The following CFAP20DC variants were observed in gnomAD, a reference collection of about 807,000 sequenced individuals.
The protein encoded by CFAP20DC is protein CFAP20DC.
CFAP20DC carries 84 observed loss-of-function variants against 101.7 expected under a neutral mutation model. The observed-to-expected ratio is 0.83, with a 90% CI of 0.69 to 0.99. CFAP20DC has a LOEUF of 0.99. Ranked by LOEUF, CFAP20DC falls within the 50% of genes least tolerant of loss-of-function variation. CFAP20DC has a pLI of 0.00. For synonymous variants in CFAP20DC, 359 were observed against 351.2 expected, an observed-to-expected ratio of 1.02 and a Z score of -0.25; for missense variants, 1,007 against 970.3, an observed-to-expected ratio of 1.04 and a Z score of -0.50.
chr3:58,933,269 A>G (rs1198119083), intron 5 of CFAP20DC, among the ~76,000 whole-genome samples: 2 of 151,892 alleles, frequency 1.3e-5, no homozygotes, highest in Non-Finnish European at 2.9e-5. Context: ...CAGATTCATA[A>G]AGCAAGTCCT....
At chr3:58,951,873 G>A (rs11916212) in intron 4 of CFAP20DC, among the ~76,000 whole-genome samples, 25,043 of 152,006 alleles carry the variant, frequency 0.16, 2,637 homozygotes, top group Middle Eastern at 0.26. Context: ...AAACCTGCAC[G>A]TTGTGCACAT....
At position 58,717,603 on chromosome 3, in the gene CFAP20DC, G is replaced by A; in HGVS notation, c.225C>T (p.Ala75=). The A allele has an allele frequency of 2.2e-6, 1 of 453,594 alleles. No homozygotes were observed. Among genetic ancestry groups the A allele is most frequent in the Non-Finnish European group, 4.4e-6 (1 of 226,224 alleles). 28.1% of individuals were successfully genotyped at this position (453,594 alleles called of 1,614,324 possible). ...AGTTTTGCCTTCACAGTTGCAAAATGGCTGTAGCACTTCCAGACATTTCTT... is the reference window on the plus strand; with the variant it reads ...AGTTTTGCCTTCACAGTTGCAAAATAGCTGTAGCACTTCCAGACATTTCTT... The change falls in exon 4 of 4, where the codon GCC becomes GCT. Residue 75 remains alanine (A), a synonymous_variant. Transcript: ENST00000486145. This position sits in a 1 kb window ranked among gnomAD's most constrained non-coding sequence, Gnocchi z 4.1.
At chr3:58,842,215 G>C (rs979126455) in intron 13 of CFAP20DC, among the ~76,000 whole-genome samples, 2 of 152,076 alleles carry the variant, frequency 1.3e-5, no homozygotes, top group African/African-American at 2.4e-5. Flanking sequence ...CGTGAGCGAC[G>C]CAGAAGACGG....
intron 5 of CFAP20DC, among the ~76,000 whole-genome samples, chr3:58,931,675 G>C (rs113934827): frequency 6.9e-6 from 1 of 144,108 alleles, no homozygotes; most frequent in African/African-American, 2.5e-5. Context: ...GTCTGGAGTG[G>C]ACCTCTAGCA....
intron 4 of CFAP20DC, among the ~76,000 whole-genome samples, chr3:58,982,319 T>G (rs1405305407): frequency 6.6e-6 from 1 of 152,194 alleles, no homozygotes; most frequent in African/African-American, 2.4e-5. Context: ...CTCAGGGATC[T>G]AGAACTAGAA....
At chr3:58,804,416 G>T (rs2073916662) in intron 15 of CFAP20DC, among the ~76,000 whole-genome samples, 1 of 150,374 alleles carries the variant, frequency 6.7e-6, no homozygotes, top group East Asian at 1.9e-4. Flanking sequence ...AGGCTGGAGT[G>T]CAGTTGTGTG....
At chr3:58,829,901 A>G (rs557295698) in intron 14 of CFAP20DC, among the ~76,000 whole-genome samples, 2 of 152,298 alleles carry the variant, frequency 1.3e-5, no homozygotes, top group Non-Finnish European at 2.9e-5. Context: ...TCAGGAGGCC[A>G]CTGTTCTCTT....
At chr3:58,896,406 T>TAACC (rs1176247278) in intron 6 of CFAP20DC, among the ~76,000 whole-genome samples, 1 of 152,212 alleles carries the variant, frequency 6.6e-6, no homozygotes, top group Non-Finnish European at 1.5e-5. Context: ...TGATCTTGGT[T>TAACC]ATTTCTTGTC....
At chr3:58,930,683 T>C (rs1416478440) in intron 5 of CFAP20DC, among the ~76,000 whole-genome samples, 2 of 152,228 alleles carry the variant, frequency 1.3e-5, no homozygotes, top group African/African-American at 4.8e-5. Context: ...TGTTTTGTTT[T>C]CAGTATGTTT....
At chr3:58,760,388 T>C (rs1432253393) in intron 15 of CFAP20DC, among the ~76,000 whole-genome samples, 2 of 152,224 alleles carry the variant, frequency 1.3e-5, no homozygotes, top group African/African-American at 4.8e-5. Context: ...CGATTTTGTA[T>C]CCTGAGACTT....
chr3:58,954,876 T>G (rs928886795), intron 4 of CFAP20DC, among the ~76,000 whole-genome samples: 1 of 152,160 alleles, frequency 6.6e-6, no homozygotes, highest in African/African-American at 2.4e-5. Flanking sequence ...CTTGGAACCT[T>G]TCTTTGAATA....
At chr3:59,044,400 A>G (rs1035897751) in intron 3 of CFAP20DC, among the ~76,000 whole-genome samples, 13 of 152,180 alleles carry the variant, frequency 8.5e-5, no homozygotes, top group African/African-American at 3.1e-4. Flanking sequence ...GGCAGACTAT[A>G]TAAACTGTTT....
At chr3:58,888,110 T>G (rs1324526665) in intron 6 of CFAP20DC, among the ~76,000 whole-genome samples, 1 of 152,226 alleles carries the variant, frequency 6.6e-6, no homozygotes, top group Non-Finnish European at 1.5e-5. Flanking sequence ...ACTAAGTCAT[T>G]GTATTTTTAG....
intron 4 of CFAP20DC, among the ~76,000 whole-genome samples, chr3:58,943,035 T>C (rs533466705): frequency 1.3e-5 from 2 of 152,320 alleles, no homozygotes; most frequent in South Asian, 4.1e-4. Flanking sequence ...ATTCCTCCTC[T>C]CTGGGCAGGG....
intron 15 of CFAP20DC, among the ~76,000 whole-genome samples, chr3:58,765,243 A>G (rs563400138): frequency 1.3e-4 from 20 of 152,222 alleles, no homozygotes; most frequent in Non-Finnish European, 1.8e-4. Flanking sequence ...TGTGCTTCCT[A>G]TAAGTATACT....
chr3:58,813,760 T>A (rs532981674), intron 14 of CFAP20DC, among the ~76,000 whole-genome samples: 1 of 151,944 alleles, frequency 6.6e-6, no homozygotes, highest in South Asian at 2.1e-4. Flanking sequence ...CTACCTGTTA[T>A]GCACCATGAA....
At chr3:58,775,107 C>T (rs2071203510) in intron 15 of CFAP20DC, among the ~76,000 whole-genome samples, 1 of 152,024 alleles carries the variant, frequency 6.6e-6, no homozygotes, top group African/African-American at 2.4e-5. Context: ...CCAAGGTGGT[C>T]GGGGCACAGC....
chr3:59,037,355 T>C (rs1441774584), intron 4 of CFAP20DC, among the ~76,000 whole-genome samples: 1 of 151,634 alleles, frequency 6.6e-6, no homozygotes, highest in African/African-American at 2.4e-5. Context: ...ACCTACAGAA[T>C]GGGAGAAAAT....
chr3:58,788,355 G>A lies in CFAP20DC; in HGVS notation c.2237+18040C>T, dbSNP rs1471879381. ...TCACATTTAAACCACGGTTACCGGGGAAATCCTATTGGTGAGAATCCACAG... is the reference window on the plus strand; with the variant it reads ...TCACATTTAAACCACGGTTACCGGGAAAATCCTATTGGTGAGAATCCACAG... On this transcript the variant is annotated intron_variant, in intron 15 of 16. Coordinates refer to ENST00000482387, the MANE Select transcript of CFAP20DC (RefSeq NM_001394063.1). The surrounding 1 kb of genome is among the most constrained non-coding windows in gnomAD (Gnocchi z 4.2). Among the ~76,000 whole-genome samples the A allele has an allele frequency of 6.6e-6, 1 of 152,098 alleles. No homozygotes were observed. Among genetic ancestry groups the A allele is most frequent in the Non-Finnish European group, 1.5e-5 (1 of 68,002 alleles).
Sources: allele counts gnomAD v4.1 joint callset (sites outside exome capture counted in the v4.1 genomes callset), GRCh38; gene constraint gnomAD v4.1.1; non-coding constraint Gnocchi (gnomAD v3.1); transcripts MANE v1.5; gene names NCBI Gene and HGNC (gene_info 2026-07-23, HGNC 2026-07-21).